The following DTNA variants were observed in gnomAD, a reference collection of about 807,000 sequenced individuals.
DTNA encodes dystrophin-related protein 3.
DTNA carries 43 observed loss-of-function variants against 100.7 expected under a neutral mutation model. The observed-to-expected ratio is 0.43, with a 90% confidence interval of 0.33 to 0.55. DTNA has a LOEUF of 0.55. Ranked by LOEUF, DTNA falls within the 20% of genes least tolerant of loss-of-function variation. The probability of loss-of-function intolerance (pLI) is 0.04; values close to 1 mark genes in which losing one functional copy is unlikely to be tolerated. For synonymous variants in DTNA, 349 were observed against 347.9 expected (o/e 1.00, Z -0.04); for missense variants, 798 against 953.9 (o/e 0.84, Z 2.15).
intron 1 of DTNA, among the ~76,000 whole-genome samples, chr18:34,522,850 C>T (rs909681151): frequency 6.6e-6 from 1 of 152,174 alleles, no homozygotes; most frequent in Admixed American, 6.5e-5. Context: ...AGCAGATGGG[C>T]CCAAGCAGGG....
intron 8 of DTNA, among the ~76,000 whole-genome samples, chr18:34,819,195 T>A (rs925625361): frequency 2.0e-5 from 3 of 152,206 alleles, no homozygotes; most frequent in African/African-American, 7.2e-5. Context: ...TTTTCTATAT[T>A]TTAATATATT....
At chr18:34,764,638 C>T (rs1033123771) in intron 2 of DTNA, among the ~76,000 whole-genome samples, 2 of 152,172 alleles carry the variant, frequency 1.3e-5, no homozygotes, top group Non-Finnish European at 2.9e-5. Flanking sequence ...CTGAAGATAT[C>T]GGTTTGAGTT....
At chr18:34,754,169 C>G (rs948184464) in intron 1 of DTNA, among the ~76,000 whole-genome samples, 1 of 152,162 alleles carries the variant, frequency 6.6e-6, no homozygotes, top group Non-Finnish European at 1.5e-5. Context: ...TAGTGCTTCA[C>G]CCATAAAAGC....
intron 1 of DTNA, among the ~76,000 whole-genome samples, chr18:34,612,385 G>T (rs950597603): frequency 6.6e-6 from 1 of 152,130 alleles, no homozygotes; most frequent in African/African-American, 2.4e-5. Flanking sequence ...GGTGGCCAAG[G>T]AGGTCTCCCA....
At chr18:34,852,531 A>G (rs1376439610) in intron 15 of DTNA, among the ~76,000 whole-genome samples, 1 of 152,084 alleles carries the variant, frequency 6.6e-6, no homozygotes, top group Admixed American at 6.5e-5. Context: ...CAAAAACATC[A>G]ATCTTATGTT....
chr18:34,775,469 G>A (rs937446301), intron 3 of DTNA, among the ~76,000 whole-genome samples: 5 of 151,858 alleles, frequency 3.3e-5, no homozygotes, highest in African/African-American at 4.8e-5. Context: ...GCGACAGAGC[G>A]AGACTCCATC....
intron 1 of DTNA, chr18:34,663,001 C>G (rs1279216985): frequency 6.6e-6 from 1 of 152,150 alleles, no homozygotes; most frequent in Non-Finnish European, 1.5e-5. Flanking sequence ...CTGCTGGAAT[C>G]TATTACTAGG....
At chr18:34,829,286 G>T (rs923576293) in intron 10 of DTNA, 114 bp from the exon 11 acceptor site, 42 of 1,520,506 alleles carry the variant, frequency 2.8e-5, no homozygotes, top group Non-Finnish European at 3.5e-5. Flanking sequence ...TACGGTTTCT[G>T]TTTTGAGGGT....
chr18:34,830,407 G>T (rs887849546), intron 11 of DTNA, among the ~76,000 whole-genome samples: 2 of 152,106 alleles, frequency 1.3e-5, no homozygotes, highest in Non-Finnish European at 2.9e-5. Context: ...CAAACTCCTG[G>T]CATTATTCAC....
chr18:34,820,822 T>C lies in DTNA; in HGVS notation c.908T>C (p.Leu303Ser). 6.2e-7 allele frequency: 1 copy of C among 1,614,180 alleles called. No individual in the cohort carries two copies. The highest frequency in any genetic ancestry group is 8.5e-7 in the Non-Finnish European group (1 of 1,180,006). Reference protein sequence around the residue: ...KSPAKKLTNALSKSLSCASSR... With the variant: ...KSPAKKLTNASSKSLSCASSR... The stretch of plus-strand genomic sequence containing the variant: ...CCTGCTAAGAAGCTGACTAATGCAT[T>C]AAGCAAGTCCCTGAGCTGTGCTTCC... Residue 303 changes from leucine to serine, a missense_variant, in exon 9 of 23, where the codon TTA (leucine) becomes TCA (serine). Coordinates refer to ENST00000444659, the MANE Select transcript of DTNA (RefSeq NM_001386795.1).
chr18:34,572,743 T>G (rs1177250128), intron 1 of DTNA, among the ~76,000 whole-genome samples: 1 of 152,128 alleles, frequency 6.6e-6, no homozygotes. Context: ...CACTTCCATC[T>G]AACTCCCACA....
chr18:34,856,186 T>C (rs1367109706), intron 15 of DTNA, among the ~76,000 whole-genome samples: 1 of 152,220 alleles, frequency 6.6e-6, no homozygotes, highest in East Asian at 1.9e-4. Flanking sequence ...AACCCATCTC[T>C]GATGAGCAGC....
Position 34,889,533 on chromosome 18 carries a change from C to T in DTNA, c.*1799C>T. The T allele has an allele frequency of 1.0e-6, 1 of 985,444 alleles. No homozygotes were observed. The highest frequency in any genetic ancestry group is 1.2e-6 in the Non-Finnish European group (1 of 829,950). 61.0% of individuals were successfully genotyped at this position (985,444 alleles called of 1,614,324 possible). On this transcript the variant is annotated 3_prime_UTR_variant, in exon 23 of 23. Coordinates refer to ENST00000444659, the MANE Select transcript of DTNA (RefSeq NM_001386795.1). ...GGGGCTGGCAAAAACCTTCTCTGAA[C>T]CCACACACCAAGTTCGTAGTTGGTA...
chr18:34,860,220 GTTTTTTTTTTTTTT>G (rs55673388), intron 16 of DTNA, among the ~76,000 whole-genome samples: 2 of 80,254 alleles, frequency 2.5e-5, no homozygotes, highest in East Asian at 4.5e-4. Flanking sequence ...CTAATTTTTT[GTTTTTTTTTTTTTT>G]TTTTTTTTTT....
intron 1 of DTNA, among the ~76,000 whole-genome samples, chr18:34,557,360 T>C (rs2046179575): frequency 6.6e-6 from 1 of 150,982 alleles, no homozygotes; most frequent in African/African-American, 2.5e-5. Flanking sequence ...AGCCTTCTTC[T>C]CTCAGCTCGT....
chr18:34,556,082 A>G (rs1439111551), intron 1 of DTNA, among the ~76,000 whole-genome samples: 1 of 151,410 alleles, frequency 6.6e-6, no homozygotes. Flanking sequence ...TATTTAGGAT[A>G]GTTAGCTCTT....
intron 17 of DTNA, 56 bp downstream of exon 17, chr18:34,864,118 T>C (rs1242928520): frequency 1.3e-5 from 19 of 1,511,610 alleles, no homozygotes; most frequent in South Asian, 1.2e-4. Context: ...TCTGTGAAAA[T>C]TTTTGCACAT....
At chr18:34,866,126 C>G in intron 17 of DTNA, 1 of 1,614,062 alleles carries the variant, frequency 6.2e-7, no homozygotes, top group Non-Finnish European at 8.5e-7. Flanking sequence ...AGAACTGAAG[C>G]AGGGAGTAAG....
At chr18:34,632,817 ATTTTCT>A (rs1473632587) in intron 1 of DTNA, among the ~76,000 whole-genome samples, 7 of 152,038 alleles carry the variant, frequency 4.6e-5, no homozygotes, top group Non-Finnish European at 1.0e-4. Context: ...ATAAAATGAG[ATTTTCT>A]TTTTCTGTTA....
Sources: allele counts gnomAD v4.1 joint callset (sites outside exome capture counted in the v4.1 genomes callset), GRCh38; gene constraint gnomAD v4.1.1; transcripts MANE v1.5; gene names NCBI Gene and HGNC (gene_info 2026-07-23, HGNC 2026-07-21).